PARD3: variants seen among roughly 807,000 people sequenced by gnomAD.
PARD3 encodes the protein par-3 family cell polarity regulator, also known as partitioning defective 3 homolog.
In PARD3, 75 loss-of-function variants were observed where a neutral mutation model predicts 155.4. The observed-to-expected ratio is 0.48, with a 90% CI of 0.40 to 0.58. PARD3 has a LOEUF of 0.58. Ranked by LOEUF, PARD3 falls within the 20% of genes least tolerant of loss-of-function variation. The pLI, the probability that PARD3 is intolerant of heterozygous loss-of-function variation, is 0.00. For missense variants in PARD3, 1,642 were observed against 1,721.7 expected (o/e 0.95, Z 0.82); for synonymous variants, 576 against 610.5 (o/e 0.94, Z 0.83).
chr10:34,156,292 T>G (rs566196432), intron 22 of PARD3, among the ~76,000 whole-genome samples: 1 of 152,218 alleles, frequency 6.6e-6, no homozygotes, highest in South Asian at 2.1e-4. Flanking sequence ...AGATGGGGTC[T>G]TGTTATATTG....
intron 23 of PARD3, among the ~76,000 whole-genome samples, chr10:34,128,635 C>T (rs952388158): frequency 1.3e-5 from 2 of 152,132 alleles, no homozygotes; most frequent in Admixed American, 6.5e-5. Flanking sequence ...TAAGGGCCAA[C>T]GGTAGTACTG....
intron 22 of PARD3, among the ~76,000 whole-genome samples, chr10:34,166,681 T>A (rs1291886453): frequency 2.0e-5 from 3 of 151,498 alleles, no homozygotes; most frequent in African/African-American, 7.3e-5. Flanking sequence ...TGGCTGGGAC[T>A]GCCCGATGCC....
chr10:34,346,146 A>C (rs1042669876), intron 15 of PARD3: 14 of 1,027,238 alleles, frequency 1.4e-5, no homozygotes, highest in Non-Finnish European at 1.6e-5. Context: ...CTGGAGTTTT[A>C]AGAGTTCAGT....
intron 20 of PARD3, among the ~76,000 whole-genome samples, chr10:34,300,633 A>T (rs1218524388): frequency 9.2e-5 from 2 of 21,636 alleles, no homozygotes; most frequent in African/African-American, 4.4e-4. Flanking sequence ...ATCTTGTTTA[A>T]AAAAAAAAAA....
rs1946378935 is a variant in PARD3, at chr10:34,111,519, C to T, written c.3712G>A (p.Glu1238Lys). ...CCTTCCCCAGGGGAGTAGTTCTGCT[C>T]CCAAGAGTCCTGGGAGACCGAGCTG... is the stretch of plus-strand genomic sequence containing the variant. ...NASSVSQDSW[E>K]QNYSPGEGFQ... The change falls in exon 25 of 25, where the codon GAG becomes AAG. Residue 1238 changes from glutamate (E) to lysine (K), a missense_variant. Transcript: ENST00000374788. 6.2e-7 allele frequency: 1 copy of T among 1,611,420 alleles called. No homozygotes were observed. Among genetic ancestry groups the T allele is most frequent in the East Asian group, 2.2e-5 (1 of 44,778 alleles).
At chr10:34,517,524 G>C (rs1308683857) in intron 2 of PARD3, among the ~76,000 whole-genome samples, 1 of 152,140 alleles carries the variant, frequency 6.6e-6, no homozygotes, top group Non-Finnish European at 1.5e-5. Flanking sequence ...ATATATCTGT[G>C]TGTGTGTATA....
intron 2 of PARD3, among the ~76,000 whole-genome samples, chr10:34,605,472 C>T (rs1206018884): frequency 1.4e-5 from 2 of 144,218 alleles, no homozygotes; most frequent in African/African-American, 5.1e-5. Flanking sequence ...GGATTACAGG[C>T]GTGAGCCACT....
chr10:34,248,643 G>C (rs1228593078), intron 22 of PARD3, among the ~76,000 whole-genome samples: 1 of 152,126 alleles, frequency 6.6e-6, no homozygotes, highest in African/African-American at 2.4e-5. Flanking sequence ...GTCTACAATA[G>C]CACCTCCCAG....
intron 22 of PARD3, among the ~76,000 whole-genome samples, chr10:34,265,939 G>A (rs954725518): frequency 2.0e-5 from 3 of 152,118 alleles, no homozygotes; most frequent in African/African-American, 7.2e-5. Context: ...GTGGGGGTCG[G>A]CAAACAAACC....
At chr10:34,334,811 T>C (rs1835989919) in intron 18 of PARD3, among the ~76,000 whole-genome samples, 3 of 151,878 alleles carry the variant, frequency 2.0e-5, no homozygotes, top group Admixed American at 2.0e-4. Context: ...AAAATCTGCC[T>C]TGAAACTTAT....
intron 15 of PARD3, chr10:34,345,872 A>G (rs1837366268): frequency 1.0e-6 from 1 of 985,222 alleles, no homozygotes; most frequent in Non-Finnish European, 1.2e-6. Context: ...AAGGACTGAC[A>G]AAAAGTGAGG....
chr10:34,715,231 C>T (rs1289814730), intron 1 of PARD3, among the ~76,000 whole-genome samples: 2 of 152,086 alleles, frequency 1.3e-5, no homozygotes, highest in Non-Finnish European at 2.9e-5. Flanking sequence ...GTACACACCA[C>T]CACGCCCAGC....
chr10:34,572,589 C>T (rs1282373449), intron 2 of PARD3, among the ~76,000 whole-genome samples: 3 of 149,350 alleles, frequency 2.0e-5, no homozygotes, highest in Non-Finnish European at 3.0e-5. Flanking sequence ...TGCGGTAAGC[C>T]GAGATCATAT....
At chr10:34,730,736 A>C (rs1185916303) in intron 1 of PARD3, among the ~76,000 whole-genome samples, 1 of 152,212 alleles carries the variant, frequency 6.6e-6, no homozygotes, top group South Asian at 2.1e-4. Flanking sequence ...GCAGTGAGCT[A>C]TGACTGCAAC....
chr10:34,753,765 G>A (rs1046008316), intron 1 of PARD3, among the ~76,000 whole-genome samples: 6 of 152,130 alleles, frequency 3.9e-5, no homozygotes, highest in African/African-American at 1.4e-4. Context: ...TCCAGCCATG[G>A]AGAGAAGCAG....
rs772890281 is a variant in PARD3 at position 34,696,319 on chromosome 10, C to G, written c.221G>C (p.Arg74Thr). ...ILCDVADDKD[R>T]LVAVFDEQDP... ...AGGTTCCCCAGGACCTGAACTCACT[C>G]TGTCTTTATCGTCTGCTACATCACA... Residue 74 changes from arginine to threonine, a missense_variant and splice_region_variant, in exon 2 of 25, where the codon AGA (arginine) becomes ACA (threonine). This residue lies in a region of PARD3 where 38 missense variants were observed against 69.1 expected (regional missense o/e 0.55). Transcript: ENST00000374788. 1 of 1,593,686 alleles carries G rather than the reference C, an allele frequency of 6.3e-7. No individual in the cohort carries two copies. The highest frequency in any genetic ancestry group is 1.1e-5 in the South Asian group (1 of 90,332).
chr10:34,506,297 C>T (rs2081057583), intron 3 of PARD3, among the ~76,000 whole-genome samples: 1 of 152,062 alleles, frequency 6.6e-6, no homozygotes, highest in Non-Finnish European at 1.5e-5. Flanking sequence ...AATTTGGAGA[C>T]CTGGGCTTCA....
At chr10:34,202,080 T>C (rs1254209071) in intron 22 of PARD3, 1 of 152,228 alleles carries the variant, frequency 6.6e-6, no homozygotes, top group African/African-American at 2.4e-5. Context: ...CAGCCTATTT[T>C]TGTTTTTTTT....
chr10:34,279,618 T>C (rs1956068072), intron 21 of PARD3, among the ~76,000 whole-genome samples: 1 of 152,098 alleles, frequency 6.6e-6, no homozygotes, highest in Admixed American at 6.6e-5. Flanking sequence ...CTGAAAAGGA[T>C]CCTACCAACT....
Sources: allele counts gnomAD v4.1 joint callset (sites outside exome capture counted in the v4.1 genomes callset), GRCh38; gene constraint gnomAD v4.1.1; regional missense constraint gnomAD v4.1.1; transcripts MANE v1.5; gene names NCBI Gene and HGNC (gene_info 2026-07-23, HGNC 2026-07-21).